The following AAMP variants were observed in gnomAD, a reference collection of about 807,000 sequenced individuals.
AAMP encodes angio associated migratory cell protein.
In AAMP, 12 loss-of-function variants were observed where a neutral mutation model predicts 51.1. The ratio of observed to expected loss-of-function variants is 0.23; its 90% CI spans 0.15 to 0.38. The LOEUF (loss-of-function observed/expected upper bound fraction) is 0.38, where lower values mean the gene tolerates loss of function less well. Among genes scored for constraint, AAMP ranks in the 10% least tolerant of loss-of-function variants. AAMP has a pLI of 1.00. For missense variants in AAMP, 418 were observed against 557.2 expected, an observed-to-expected ratio of 0.75 and a Z score of 2.52; for synonymous variants, 210 against 218.7, an observed-to-expected ratio of 0.96 and a Z score of 0.35.
intron 1 of AAMP, 74 bp downstream of exon 1, chr2:218,269,892 G>C (rs1690750522): frequency 6.3e-7 from 1 of 1,599,400 alleles, no homozygotes; most frequent in Middle Eastern, 1.7e-4. Context: ...GTGGAGGGGA[G>C]CGGGGAAAAG....
rs1163257198 is a variant in AAMP at position 218,269,499 on chromosome 2, C to T, written c.157G>A (p.Glu53Lys). 13 of 1,614,110 alleles carry T rather than the reference C, an allele frequency of 8.1e-6. No homozygotes were observed. The highest frequency in any genetic ancestry group is 1.0e-5 in the Non-Finnish European group (12 of 1,180,056). The change falls in exon 2 of 11, where the codon GAG (glutamate) becomes AAG (lysine). Residue 53 changes from glutamate (E) to lysine (K), a missense_variant. By Grantham distance (56) the Glu-to-Lys change is moderately conservative (BLOSUM62 1). Coordinates refer to ENST00000248450, the MANE Select transcript of AAMP (RefSeq NM_001087.5). ...TTGCCCTCTTCCTCCTCTTCTTCCT[C>T]AAAGTCCACATCTTCCATCTCCTGG... ...LAQEMEDVDF[E>K]EEEEEEGNEE...
intron 1 of AAMP, 37 bp downstream of exon 1, chr2:218,269,929 T>C: frequency 1.9e-6 from 3 of 1,613,168 alleles, no homozygotes; most frequent in Middle Eastern, 1.6e-4. Context: ...GGGGTGAGCG[T>C]CTCCTGTCCC....
At position 218,265,815 on chromosome 2, in the gene AAMP, C is replaced by A. The variant is rs769957342; in HGVS notation, c.879+16G>T. 5 of 1,605,478 alleles carry A rather than the reference C, an allele frequency of 3.1e-6. No homozygotes were observed. The highest frequency in any genetic ancestry group is 2.2e-5 in the East Asian group (1 of 44,734). On this transcript the variant is annotated intron_variant, in intron 7 of 10. Transcript: ENST00000248450. This position sits in a 1 kb window ranked among gnomAD's most constrained non-coding sequence, Gnocchi z 6.6. The stretch of plus-strand genomic sequence containing the variant: ...CGGGAAAGCGGAGGCCCCAGCCGGG[C>A]TCCAGGTCCACTCACCTTGCCGGTG...
In AAMP at chr2:218,266,614, G is replaced by A; in HGVS notation, c.535-27C>T. 21 of 1,598,966 alleles carry A rather than the reference G, an allele frequency of 1.3e-5. 1 individual carries two copies. The Middle Eastern group carries it at 3.0e-3, about 231-fold the overall frequency. On this transcript the variant is annotated intron_variant, in intron 4 of 10. Transcript: ENST00000248450. This position sits in a 1 kb window ranked among gnomAD's most constrained non-coding sequence, Gnocchi z 4.7. ...TGGACAGGGAGGAAGGGGCAGCAGG[G>A]AGGCCCGTCACCCCATCCCACCTAG...
chr2:218,265,799 G>A lies in AAMP; in HGVS notation c.879+32C>T, dbSNP rs369272312. 5.1e-5 allele frequency: 81 copies of A among 1,595,502 alleles called. No homozygotes were observed. Among genetic ancestry groups the A allele is most frequent in the African/African-American group, 6.7e-5 (5 of 74,578 alleles). On this transcript the variant is annotated intron_variant, in intron 7 of 10. Coordinates refer to ENST00000248450, the MANE Select transcript of AAMP (RefSeq NM_001087.5). This position sits in a 1 kb window ranked among gnomAD's most constrained non-coding sequence, Gnocchi z 6.6. ...AAGGAAGGAGAGGAGTCGGGAAAGC[G>A]GAGGCCCCAGCCGGGCTCCAGGTCC...
At chr2:218,269,851 GA>G in intron 1 of AAMP, 114 bp downstream of exon 1, 1 of 1,485,350 alleles carries the variant, frequency 6.7e-7, no homozygotes, top group Middle Eastern at 1.9e-4. Flanking sequence ...AGGAGGGGAA[GA>G]GGGATATCGG....
At chr2:218,268,555 TGGTCTTGAACTCCC>T (rs1690691946) in intron 2 of AAMP, among the ~76,000 whole-genome samples, 1 of 150,888 alleles carries the variant, frequency 6.6e-6, no homozygotes, top group Admixed American at 6.6e-5. Context: ...TCGGCCAGGC[TGGTCTTGAACTCCC>T]GACCTCAGGT....
rs758698333 is a variant in AAMP, at chr2:218,269,434, G to C, written c.222C>G (p.Val74=). ...TATCGTCGGGGCCCTCCATGCTGCC[G>C]ACCACCCCTTCCTGGGGTTCTAGAA... ...GWVLEPQEGV[V]GSMEGPDDSE... is the part of the protein sequence containing the mutation. The change falls in exon 2 of 11, where the codon GTC becomes GTG. Residue 74 remains valine (V), a synonymous_variant. Transcript: ENST00000248450. 2.8e-5 allele frequency: 45 copies of C among 1,614,066 alleles called. No individual in the cohort carries two copies. The highest frequency in any genetic ancestry group is 3.8e-5 in the Non-Finnish European group (45 of 1,180,042).
In AAMP at chr2:218,265,090, C is replaced by T. The variant is rs546660239; in HGVS notation, c.1159G>A (p.Ala387Thr). The T allele has an allele frequency of 3.4e-5, 55 of 1,613,418 alleles. No individual in the cohort carries two copies. The highest frequency in any genetic ancestry group is 3.1e-4 in the East Asian group (14 of 44,886). The change falls in exon 10 of 11, where the codon GCC becomes ACC. Residue 387 changes from alanine (A) to threonine (T), a missense_variant. Transcript: ENST00000248450. The surrounding 1 kb of genome is among the most constrained non-coding windows in gnomAD (Gnocchi z 6.6). ...TCAGTAAGCAGGCGGCCGGTCCGGGCGTCCCAGAGGCGCACGATGCCATCC... is the reference window on the plus strand; with the variant it reads ...TCAGTAAGCAGGCGGCCGGTCCGGGTGTCCCAGAGGCGCACGATGCCATCC... ...SLDGIVRLWDARTGRLLTDYR... is the reference protein window; with the variant it reads ...SLDGIVRLWDTRTGRLLTDYR...
At position 218,267,943 on chromosome 2, in the gene AAMP, G is replaced by A. The variant is rs890247943; in HGVS notation, c.275-330C>T. 2.6e-5 allele frequency among the ~76,000 whole-genome samples: 4 copies of A among 152,078 alleles called. No individual in the cohort carries two copies. Among genetic ancestry groups the A allele is most frequent in the Admixed American group, 1.3e-4 (2 of 15,272 alleles). On this transcript the variant is annotated intron_variant, in intron 2 of 10. Transcript: ENST00000248450. The surrounding 1 kb of genome is among the most constrained non-coding windows in gnomAD (Gnocchi z 4.6). ...ACCGGGGTTGGGTACAGAGCGAGGA[G>A]AGCATCACGTTAAGGGTTTTTTGTT...
chr2:218,267,339 C>G lies in AAMP; in HGVS notation c.394+155G>C. On this transcript the variant is annotated intron_variant, in intron 3 of 10. Coordinates refer to ENST00000248450, the MANE Select transcript of AAMP (RefSeq NM_001087.5). The surrounding 1 kb of genome is among the most constrained non-coding windows in gnomAD (Gnocchi z 4.6). ...CTCCTGCCTCTGTGCCCAAAACACACTAGTATTCGCCCCGTGTCCCTGGGG... is the reference window on the plus strand; with the variant it reads ...CTCCTGCCTCTGTGCCCAAAACACAGTAGTATTCGCCCCGTGTCCCTGGGG... 1 of 1,165,008 alleles carries G rather than the reference C, an allele frequency of 8.6e-7. No homozygotes were observed. Among genetic ancestry groups the G allele is most frequent in the South Asian group, 1.5e-5 (1 of 68,924 alleles). The allele number at this position is 1,165,008 out of a possible 1,614,324, so 72.2% of individuals were successfully genotyped here. A position where few individuals can be genotyped will look rare whatever the true frequency, so the allele number is the denominator to read the frequency against.
At chr2:218,264,766 A>G (rs1439094596) in intron 10 of AAMP, among the ~76,000 whole-genome samples, 158 bp from the exon 11 acceptor site, 2 of 152,178 alleles carry the variant, frequency 1.3e-5, no homozygotes, top group Non-Finnish European at 2.9e-5. Flanking sequence ...GATTAGAGGA[A>G]GCCCCCAGCA....
In AAMP at chr2:218,265,427, T is replaced by A. The variant is rs1331050693; in HGVS notation, c.1018A>T (p.Thr340Ser). The change falls in exon 9 of 11, where the codon ACC becomes TCC. Residue 340 changes from threonine (T) to serine (S), a missense_variant. Thr to Ser is a moderately conservative substitution (Grantham distance 58, BLOSUM62 1). Coordinates refer to ENST00000248450, the MANE Select transcript of AAMP (RefSeq NM_001087.5). The surrounding 1 kb of genome is among the most constrained non-coding windows in gnomAD (Gnocchi z 6.6). ...PLAAVGYLDG[T>S]LAIYDLATQT... ...GTAGCCAGGTCATAGATGGCCAAGGTCCCATCCAGGTAGCCAACAGCTGCC... is the reference window on the plus strand; with the variant it reads ...GTAGCCAGGTCATAGATGGCCAAGGACCCATCCAGGTAGCCAACAGCTGCC... The A allele has an allele frequency of 6.4e-7, 1 of 1,565,196 alleles. No individual in the cohort carries two copies. Among genetic ancestry groups the A allele is most frequent in the African/African-American group, 1.4e-5 (1 of 73,636 alleles).
In AAMP at chr2:218,269,398, G is replaced by A. The variant is rs1264222553; in HGVS notation, c.258C>T (p.Thr86=). Residue 86 remains threonine (T), a synonymous_variant, in exon 2 of 11, where the codon ACC becomes ACT. Coordinates refer to ENST00000248450, the MANE Select transcript of AAMP (RefSeq NM_001087.5). ...SMEGPDDSEV[T]FALHSASVFC... is the part of the protein sequence containing the mutation. ...AAGACCTACCTGAGTGCAATGCAAA[G>A]GTGACCTCGCTATCGTCGGGGCCCT... is the stretch of plus-strand genomic sequence containing the variant. The A allele has an allele frequency of 6.2e-7, 1 of 1,613,958 alleles. No individual in the cohort carries two copies. Among genetic ancestry groups the A allele is most frequent in the African/African-American group, 1.3e-5 (1 of 74,920 alleles).
At position 218,266,189 on chromosome 2, in the gene AAMP, C is replaced by A; in HGVS notation, c.680-42G>T. 2 of 1,560,870 alleles carry A rather than the reference C, an allele frequency of 1.3e-6. No homozygotes were observed. The highest frequency in any genetic ancestry group is 2.2e-5 in the South Asian group (2 of 89,814). ...ATGAAGAGAGGGCAGAGGGCACGCT[C>A]ACATACACTAAGCAAGGGAATGGGG... On this transcript the variant is annotated intron_variant, in intron 5 of 10. Coordinates refer to ENST00000248450, the MANE Select transcript of AAMP (RefSeq NM_001087.5). The surrounding 1 kb of genome is among the most constrained non-coding windows in gnomAD (Gnocchi z 4.7).
chr2:218,266,380 G>A lies in AAMP; in HGVS notation c.679+63C>T. 16 of 1,582,878 alleles carry A rather than the reference G, an allele frequency of 1.0e-5. No homozygotes were observed. In the South Asian group the frequency reaches 1.4e-4, roughly 14 times the overall value. On this transcript the variant is annotated intron_variant, in intron 5 of 10. Transcript: ENST00000248450. This position sits in a 1 kb window ranked among gnomAD's most constrained non-coding sequence, Gnocchi z 4.7. ...TGTGACCCAGAAGGCTGCTCTGGGAGGTGTATATCCCGGGATTCGGCCTCT... is the reference window on the plus strand; with the variant it reads ...TGTGACCCAGAAGGCTGCTCTGGGAAGTGTATATCCCGGGATTCGGCCTCT...
rs369316202 is a variant in AAMP, at chr2:218,266,831, G to C, written c.534+16C>G. On this transcript the variant is annotated intron_variant, in intron 4 of 10. Coordinates refer to ENST00000248450, the MANE Select transcript of AAMP (RefSeq NM_001087.5). The surrounding 1 kb of genome is among the most constrained non-coding windows in gnomAD (Gnocchi z 4.7). ...CCAAGGCCCCACAGAGCTGACTCCCGCTCTGATGATCTTACCTCCAGGTCT... is the reference window on the plus strand; with the variant it reads ...CCAAGGCCCCACAGAGCTGACTCCCCCTCTGATGATCTTACCTCCAGGTCT... 1 of 1,613,640 alleles carries C rather than the reference G, an allele frequency of 6.2e-7. No homozygotes were observed.
At chr2:218,269,343 A>G (rs946127490) in intron 2 of AAMP, 39 bp downstream of exon 2, 1 of 1,612,094 alleles carries the variant, frequency 6.2e-7, no homozygotes, top group African/African-American at 1.3e-5. Flanking sequence ...TTACACGCCC[A>G]CCTAAACTGA....
At chr2:218,264,751 G>A in intron 10 of AAMP, 143 bp from the exon 11 acceptor site, 4 of 816,474 alleles carry the variant, frequency 4.9e-6, no homozygotes, top group Non-Finnish European at 8.0e-6. Context: ...AGCCAGCATG[G>A]AGGGGATTAG....
Sources: allele counts gnomAD v4.1 joint callset (sites outside exome capture counted in the v4.1 genomes callset), GRCh38; gene constraint gnomAD v4.1.1; non-coding constraint Gnocchi (gnomAD v3.1); transcripts MANE v1.5; gene names NCBI Gene and HGNC (gene_info 2026-07-23, HGNC 2026-07-21).